GLI3: variants seen among roughly 807,000 people sequenced by gnomAD.
The protein encoded by GLI3 is transcription activator GLI3.
Under a neutral mutation model 100.8 loss-of-function variants are expected in GLI3, and 20 were observed. That is an observed-to-expected ratio of 0.20 (90% CI 0.14 to 0.29). The LOEUF is 0.29. Ranked by LOEUF, GLI3 falls within the 10% of genes least tolerant of loss-of-function variation. The pLI, the probability that GLI3 is intolerant of heterozygous loss-of-function variation, is 1.00. For missense variants in GLI3, 2,040 were observed against 2,128.5 expected, an observed-to-expected ratio of 0.96 and a Z score of 0.82; for synonymous variants, 938 against 860.5, an observed-to-expected ratio of 1.09 and a Z score of -1.58.
intron 13 of GLI3, among the ~76,000 whole-genome samples, chr7:41,970,493 T>C (rs938731733): frequency 5.3e-5 from 8 of 151,984 alleles, no homozygotes; most frequent in East Asian, 3.9e-4. Context: ...TGGTTCTAGG[T>C]TGGTGCCAAA....
At chr7:42,110,397 C>A (rs986747817) in intron 3 of GLI3, among the ~76,000 whole-genome samples, 5 of 152,194 alleles carry the variant, frequency 3.3e-5, no homozygotes, top group Non-Finnish European at 7.3e-5. Context: ...TGGTTGGATG[C>A]CTATTATGTG....
chr7:42,242,647 A>T (rs527651961), upstream of GLI3, among the ~76,000 whole-genome samples: 2 of 152,272 alleles, frequency 1.3e-5, no homozygotes. Flanking sequence ...GTGTTCTGAG[A>T]GATTCCAGTA....
chr7:42,193,137 T>C (rs1486832605), intron 2 of GLI3, among the ~76,000 whole-genome samples: 1 of 152,208 alleles, frequency 6.6e-6, no homozygotes, highest in East Asian at 1.9e-4. Context: ...AGTAAATGGA[T>C]ACTCTAGAGA....
intron 10 of GLI3, among the ~76,000 whole-genome samples, chr7:41,998,832 C>T (rs192569006): frequency 8.3e-4 from 127 of 152,342 alleles, no homozygotes; most frequent in African/African-American, 3.0e-3. Flanking sequence ...TATAAACTAA[C>T]ACCTGCAATT....
At chr7:42,220,185 A>C (rs920809386) in intron 2 of GLI3, among the ~76,000 whole-genome samples, 3 of 152,152 alleles carry the variant, frequency 2.0e-5, no homozygotes, top group African/African-American at 7.2e-5. Flanking sequence ...TTCAGTTATA[A>C]ATGGATATAG....
intron 6 of GLI3, among the ~76,000 whole-genome samples, chr7:42,043,968 TGAA>T (rs1272739206): frequency 5.3e-5 from 8 of 152,214 alleles, no homozygotes; most frequent in African/African-American, 1.9e-4. Context: ...ACAGAACGCC[TGAA>T]GAAGACGTAA....
chr7:42,029,344 T>C (rs1188913229), intron 7 of GLI3, among the ~76,000 whole-genome samples: 1 of 152,236 alleles, frequency 6.6e-6, no homozygotes, highest in African/African-American at 2.4e-5. Context: ...TCAAGGCTCC[T>C]CTGCTCTCAG....
chr7:42,216,831 C>T (rs1788387279), intron 2 of GLI3, among the ~76,000 whole-genome samples: 1 of 152,136 alleles, frequency 6.6e-6, no homozygotes, highest in African/African-American at 2.4e-5. Flanking sequence ...GGCCAAGAGC[C>T]CTTGCATTTA....
Position 42,045,566 on chromosome 7 carries a change from A to C in GLI3, c.680-36T>G, listed in dbSNP as rs923993024. 10 of 1,607,650 alleles carry C rather than the reference A, an allele frequency of 6.2e-6. No individual in the cohort carries two copies. In the African/African-American group the frequency reaches 8.0e-5, roughly 13 times the overall value. On this transcript the variant is annotated intron_variant, in intron 5 of 14. Coordinates refer to ENST00000395925, the MANE Select transcript of GLI3 (RefSeq NM_000168.6). ...ACAAGAGATGTATGGTTACTAGCGA[A>C]AGAAGGTCAACTAGAAGTTTCTCTT... is the stretch of plus-strand genomic sequence containing the variant.
intron 7 of GLI3, among the ~76,000 whole-genome samples, chr7:42,026,807 T>G (rs1235404289): frequency 1.3e-5 from 2 of 152,242 alleles, no homozygotes; most frequent in African/African-American, 4.8e-5. Context: ...TAGCTCACAC[T>G]GCACGCTTTC....
intron 10 of GLI3, among the ~76,000 whole-genome samples, chr7:42,022,800 C>T (rs1788981841): frequency 6.6e-6 from 1 of 152,166 alleles, no homozygotes; most frequent in African/African-American, 2.4e-5. Context: ...GTGCACACTG[C>T]ATTTTTTGAA....
chr7:42,216,102 C>G (rs562463022), intron 2 of GLI3, among the ~76,000 whole-genome samples: 16 of 152,298 alleles, frequency 1.1e-4, no homozygotes, highest in Middle Eastern at 3.4e-3. Context: ...CATGATCACA[C>G]AGCAATTACG....
At chr7:42,152,533 T>A in intron 2 of GLI3, 1 of 461,584 alleles carries the variant, frequency 2.2e-6, no homozygotes, top group Non-Finnish European at 2.8e-6. Flanking sequence ...ATGCTAAATT[T>A]AACAAGCTCA....
intron 1 of GLI3, among the ~76,000 whole-genome samples, chr7:42,250,662 C>T (rs1583675584): frequency 1.3e-5 from 2 of 152,270 alleles, no homozygotes; most frequent in East Asian, 3.9e-4. Context: ...ATGGCTAACA[C>T]CAAAGTGCTC....
chr7:42,130,732 A>C (rs1245218037), intron 3 of GLI3, among the ~76,000 whole-genome samples: 1 of 152,228 alleles, frequency 6.6e-6, no homozygotes, highest in Non-Finnish European at 1.5e-5. Context: ...AATAGAAATC[A>C]TCCATAGAGT....
intron 3 of GLI3, among the ~76,000 whole-genome samples, chr7:42,147,633 T>G (rs1233708238): frequency 6.6e-6 from 1 of 152,222 alleles, no homozygotes; most frequent in Non-Finnish European, 1.5e-5. Context: ...GTTAATTTCT[T>G]AAACGTGATT....
intron 2 of GLI3, among the ~76,000 whole-genome samples, chr7:42,191,121 A>G (rs1787818188): frequency 6.6e-6 from 1 of 152,220 alleles, no homozygotes. Context: ...AAACAGAAAT[A>G]CACTATACAG....
At chr7:42,087,526 T>C (rs1367709752) in intron 3 of GLI3, among the ~76,000 whole-genome samples, 2 of 152,182 alleles carry the variant, frequency 1.3e-5, no homozygotes, top group African/African-American at 4.8e-5. Context: ...CAATCCTGGT[T>C]GGGACCTTTT....
intron 1 of GLI3, among the ~76,000 whole-genome samples, chr7:42,257,436 C>T (rs1370541929): frequency 6.6e-6 from 1 of 151,486 alleles, no homozygotes; most frequent in African/African-American, 2.4e-5. Flanking sequence ...GCTCCGCCTC[C>T]CGGGTTCATG....
Sources: allele counts gnomAD v4.1 joint callset (sites outside exome capture counted in the v4.1 genomes callset), GRCh38; gene constraint gnomAD v4.1.1; transcripts MANE v1.5; gene names NCBI Gene and HGNC (gene_info 2026-07-23, HGNC 2026-07-21).